CCDC169: variants seen among roughly 807,000 people sequenced by gnomAD.
The protein encoded by CCDC169 is coiled-coil domain containing 169, also known as coiled-coil domain-containing protein 169.
Under a neutral mutation model 36.0 loss-of-function variants are expected in CCDC169, and 30 were observed. The ratio of observed to expected loss-of-function variants is 0.83; its 90% CI spans 0.62 to 1.13. The LOEUF (loss-of-function observed/expected upper bound fraction) is 1.13. CCDC169 is among the 50% of genes most tolerant of loss of function. CCDC169 has a pLI of 0.00. For synonymous variants in CCDC169, 85 were observed against 81.5 expected (o/e 1.04, Z -0.23); for missense variants, 245 against 245.9 (o/e 1.00, Z 0.03).
At chr13:36,271,948 G>A (rs1468566155) in intron 4 of CCDC169, among the ~76,000 whole-genome samples, 1 of 151,666 alleles carries the variant, frequency 6.6e-6, no homozygotes, top group Non-Finnish European at 1.5e-5. Flanking sequence ...AGCCTGGAGT[G>A]GCAGTGCATG....
At chr13:36,285,813 C>G (rs926885284) in intron 2 of CCDC169, among the ~76,000 whole-genome samples, 1 of 152,144 alleles carries the variant, frequency 6.6e-6, no homozygotes, top group Non-Finnish European at 1.5e-5. Flanking sequence ...GACACCAAAA[C>G]AAGACACACA....
Position 36,283,629 on chromosome 13 carries a change from G to A in CCDC169, c.237C>T (p.Leu79=). The A allele has an allele frequency of 1.3e-6, 2 of 1,551,178 alleles. No individual in the cohort carries two copies. Among genetic ancestry groups the A allele is most frequent in the Non-Finnish European group, 1.7e-6 (2 of 1,146,804 alleles). The change falls in exon 3 of 8, where the codon CTC becomes CTT. Residue 79 remains leucine (L), a synonymous_variant. Transcript: ENST00000239859. ...CATGGATTTTTTCCACTTTCTCCTT[G>A]AGATAAACAATTTGCTTTTCTAGTT... is the stretch of plus-strand genomic sequence containing the variant. ...NDELEKQIVY[L]KEKVEKIHGN...
intron 4 of CCDC169, chr13:36,281,099 A>G: frequency 2.9e-6 from 1 of 345,450 alleles, no homozygotes; most frequent in Non-Finnish European, 5.6e-6. Flanking sequence ...CTTTTTTTGA[A>G]TGATAACGTG....
At chr13:36,226,376 T>C (rs1473384062), downstream of CCDC169, 1 of 152,120 alleles carries the variant, frequency 6.6e-6, no homozygotes, top group Non-Finnish European at 1.5e-5. Context: ...GGCATTAGAG[T>C]CTCATAAGGA....
intron 7 of CCDC169, among the ~76,000 whole-genome samples, chr13:36,244,040 C>T (rs757452882): frequency 2.6e-5 from 4 of 152,094 alleles, no homozygotes; most frequent in Non-Finnish European, 5.9e-5. Context: ...ATTTGAATAA[C>T]AGAGGTAATA....
chr13:36,233,552 T>C (rs1036154603), intron 7 of CCDC169, among the ~76,000 whole-genome samples: 3 of 151,944 alleles, frequency 2.0e-5, no homozygotes, highest in Non-Finnish European at 2.9e-5. Context: ...ATCATATCTA[T>C]AGAGGAAATT....
At chr13:36,248,733 A>G in intron 6 of CCDC169, 51 bp from the exon 7 acceptor site, 1 of 1,471,308 alleles carries the variant, frequency 6.8e-7, no homozygotes, top group Non-Finnish European at 9.3e-7. Context: ...AATTGATTTC[A>G]GAAATAAGAG....
At position 36,284,164 on chromosome 13, in the gene CCDC169, A is replaced by G. The variant is rs1159370395; in HGVS notation, c.164-462T>C. On this transcript the variant is annotated intron_variant, in intron 2 of 7. Coordinates refer to ENST00000239859, the MANE Select transcript of CCDC169 (RefSeq NM_001144981.3). ...ACTTGAAATACATATTTATATATTTATACATTTTATATATGTTTATGTGTA... is the reference window on the plus strand; with the variant it reads ...ACTTGAAATACATATTTATATATTTGTACATTTTATATATGTTTATGTGTA... 2.6e-5 allele frequency among the ~76,000 whole-genome samples: 4 copies of G among 151,974 alleles called. No homozygotes were observed. In the East Asian group the frequency reaches 7.7e-4, roughly 29 times the overall value.
At chr13:36,289,507 A>C (rs982590084) in intron 2 of CCDC169, among the ~76,000 whole-genome samples, 4 of 152,206 alleles carry the variant, frequency 2.6e-5, no homozygotes, top group African/African-American at 9.6e-5. Context: ...ATAACCCTGA[A>C]CACATTCTTC....
downstream of CCDC169, chr13:36,223,740 T>A (rs1869728306): frequency 1.3e-5 from 2 of 152,154 alleles, no homozygotes; most frequent in South Asian, 4.1e-4. Flanking sequence ...TTTTAAATAT[T>A]AAATTAGTAT....
At chr13:36,286,795 G>GC in intron 2 of CCDC169, among the ~76,000 whole-genome samples, 1 of 152,150 alleles carries the variant, frequency 6.6e-6, no homozygotes, top group East Asian at 1.9e-4. Flanking sequence ...GTTCTAGGGT[G>GC]CTGAGGCTCT....
chr13:36,297,689 C>G lies in CCDC169; in HGVS notation c.31G>C (p.Gly11Arg). The G allele has an allele frequency of 5.8e-6, 9 of 1,551,374 alleles. No homozygotes were observed. Among genetic ancestry groups the G allele is most frequent in the Non-Finnish European group, 7.0e-6 (8 of 1,147,004 alleles). The change falls in exon 1 of 8, where the codon GGT (glycine) becomes CGT (arginine). Residue 11 changes from glycine to arginine, a missense_variant. Coordinates refer to ENST00000239859, the MANE Select transcript of CCDC169 (RefSeq NM_001144981.3). ...TGTTTCAGGCGGTTGGTGCTCACACCGTCGAAGTTGTAGTTTCTCTCTTCC... is the reference window on the plus strand; with the variant it reads ...TGTTTCAGGCGGTTGGTGCTCACACGGTCGAAGTTGTAGTTTCTCTCTTCC... MKEERNYNFD[G>R]VSTNRLKQQL... is the part of the protein sequence containing the mutation.
At position 36,253,875 on chromosome 13, in the gene CCDC169, G is replaced by A. The variant is rs1260499707; in HGVS notation, c.415-19C>T. ...GGTAAGCCTGTGTGAAGATACAAAA[G>A]CAAAGGGTCCAACATATGAGAAGAT... On this transcript the variant is annotated intron_variant, in intron 5 of 7. Coordinates refer to ENST00000239859, the MANE Select transcript of CCDC169 (RefSeq NM_001144981.3). The A allele has an allele frequency of 6.4e-7, 1 of 1,550,714 alleles. No individual in the cohort carries two copies. Among genetic ancestry groups the A allele is most frequent in the Non-Finnish European group, 8.7e-7 (1 of 1,146,746 alleles).
downstream of CCDC169, chr13:36,226,864 T>A: frequency 2.9e-6 from 1 of 350,390 alleles, no homozygotes; most frequent in Non-Finnish European, 5.1e-6. Context: ...CCCTGGGTGA[T>A]GGGATTATTT....
chr13:36,248,538 C>G (rs1267975333), intron 7 of CCDC169, 68 bp downstream of exon 7: 4 of 1,435,484 alleles, frequency 2.8e-6, no homozygotes, highest in Non-Finnish European at 2.9e-6. Context: ...ATAGTGGACA[C>G]CTGTTTTGTC....
At chr13:36,253,909 C>G in intron 5 of CCDC169, 53 bp from the exon 6 acceptor site, 2 of 1,543,008 alleles carry the variant, frequency 1.3e-6, no homozygotes, top group South Asian at 1.2e-5. Flanking sequence ...ATTAGCAATA[C>G]TAGCAAGACT....
In CCDC169 at chr13:36,273,520, T is replaced by G. The variant is rs1258649465; in HGVS notation, c.315+9949A>C. Among the ~76,000 whole-genome samples, 9 of 152,186 alleles carry G rather than the reference T, an allele frequency of 5.9e-5. No individual in the cohort carries two copies. The East Asian group carries it at 1.7e-3, about 29-fold the overall frequency. ...ACTAGCTTCACAAGCAAAAAATGTT[T>G]TGACTAAAATGGGGAACATTCTAAT... On this transcript the variant is annotated intron_variant, in intron 4 of 7. Coordinates refer to ENST00000239859, the MANE Select transcript of CCDC169 (RefSeq NM_001144981.3).
downstream of CCDC169, among the ~76,000 whole-genome samples, chr13:36,227,734 C>A (rs975320917): frequency 2.0e-5 from 3 of 152,114 alleles, no homozygotes; most frequent in Admixed American, 2.0e-4. Context: ...ATTAGTTTCA[C>A]AGAGTTGTGC....
At chr13:36,257,350 G>A (rs1874023668) in intron 4 of CCDC169, among the ~76,000 whole-genome samples, 1 of 152,084 alleles carries the variant, frequency 6.6e-6, no homozygotes. Flanking sequence ...TCCCTGGTGA[G>A]GTTCATTACC....
Sources: allele counts gnomAD v4.1 joint callset (sites outside exome capture counted in the v4.1 genomes callset), GRCh38; gene constraint gnomAD v4.1.1; transcripts MANE v1.5; gene names NCBI Gene and HGNC (gene_info 2026-07-23, HGNC 2026-07-21).